Variants in CACNA2D3 observed in about 807,000 individuals in gnomAD.
CACNA2D3 encodes calcium voltage-gated channel auxiliary subunit alpha2delta 3.
A neutral mutation model predicts 160.6 loss-of-function variants in CACNA2D3; 60 were observed. The observed-to-expected ratio is 0.37, with a 90% CI of 0.30 to 0.46. The LOEUF (loss-of-function observed/expected upper bound fraction) is 0.46. CACNA2D3 is among the 20% of genes least tolerant of loss of function. The pLI, the probability that CACNA2D3 is intolerant of heterozygous loss-of-function variation, is 1.00. For synonymous variants in CACNA2D3, 558 were observed against 492.9 expected (o/e 1.13, Z -1.75); for missense variants, 1,205 against 1,365.0 (o/e 0.88, Z 1.85).
chr3:54,536,909 T>G (rs531346587), intron 5 of CACNA2D3, among the ~76,000 whole-genome samples: 9 of 152,286 alleles, frequency 5.9e-5, no homozygotes, highest in African/African-American at 1.7e-4. Flanking sequence ...CCTTTCCCAC[T>G]TGTGAAAGGT....
chr3:54,729,355 G>A (rs1701340185), intron 11 of CACNA2D3, among the ~76,000 whole-genome samples: 1 of 152,052 alleles, frequency 6.6e-6, no homozygotes, highest in South Asian at 2.1e-4. Context: ...TTTCTTTTTT[G>A]TAGTTTATCC....
intron 4 of CACNA2D3, among the ~76,000 whole-genome samples, chr3:54,489,498 T>G (rs2106917017): frequency 6.6e-6 from 1 of 152,348 alleles, no homozygotes; most frequent in African/African-American, 2.4e-5. Context: ...AATCTAATAT[T>G]GTGTGCCAGG....
chr3:54,785,106 C>T (rs1702611164), intron 13 of CACNA2D3, among the ~76,000 whole-genome samples: 1 of 152,222 alleles, frequency 6.6e-6, no homozygotes, highest in Non-Finnish European at 1.5e-5. Flanking sequence ...CAGTAGCCAC[C>T]AGCAGAGCCA....
chr3:54,371,394 A>G (rs1228986574), intron 3 of CACNA2D3, among the ~76,000 whole-genome samples: 1 of 152,102 alleles, frequency 6.6e-6, no homozygotes, highest in East Asian at 1.9e-4. Context: ...TGCTATATTA[A>G]CTCACATTTC....
chr3:54,737,461 C>T (rs1436975032), intron 11 of CACNA2D3, among the ~76,000 whole-genome samples: 2 of 151,882 alleles, frequency 1.3e-5, no homozygotes, highest in Non-Finnish European at 2.9e-5. Flanking sequence ...GTGCAAAGGC[C>T]CTGTGACAGG....
At chr3:54,179,912 C>T (rs530699478) in intron 2 of CACNA2D3, among the ~76,000 whole-genome samples, 3 of 152,062 alleles carry the variant, frequency 2.0e-5, no homozygotes, top group Non-Finnish European at 4.4e-5. Context: ...GTTATGGCAG[C>T]AGAAACTAAG....
intron 11 of CACNA2D3, among the ~76,000 whole-genome samples, chr3:54,712,887 T>C (rs987657159): frequency 2.4e-4 from 37 of 152,204 alleles, no homozygotes; most frequent in African/African-American, 8.9e-4. Context: ...ACTGGCCCTA[T>C]TTTAACATCA....
chr3:54,677,075 T>G (rs920520370), intron 11 of CACNA2D3, among the ~76,000 whole-genome samples: 1 of 152,220 alleles, frequency 6.6e-6, no homozygotes, highest in Non-Finnish European at 1.5e-5. Flanking sequence ...GAGCACAATC[T>G]CCTAGTGTTT....
At chr3:54,205,138 C>T (rs1210000407) in intron 2 of CACNA2D3, among the ~76,000 whole-genome samples, 1 of 152,014 alleles carries the variant, frequency 6.6e-6, no homozygotes, top group Non-Finnish European at 1.5e-5. Flanking sequence ...TGACTAACCA[C>T]GGCTACGTGA....
chr3:54,972,968 C>T (rs140526062), intron 29 of CACNA2D3, among the ~76,000 whole-genome samples: 5 of 152,204 alleles, frequency 3.3e-5, no homozygotes, highest in African/African-American at 9.6e-5. Flanking sequence ...CAGAAAAGGC[C>T]CTGCTCTCCT....
chr3:54,386,839 A>G (rs1395892159), intron 4 of CACNA2D3, 65 bp downstream of exon 4: 6 of 1,367,266 alleles, frequency 4.4e-6, no homozygotes, highest in African/African-American at 2.9e-5. Flanking sequence ...AGTACCAGGT[A>G]TACCAGGAAT....
intron 13 of CACNA2D3, among the ~76,000 whole-genome samples, chr3:54,776,274 G>A (rs556619464): frequency 4.6e-4 from 70 of 152,308 alleles, no homozygotes; most frequent in African/African-American, 1.6e-3. Flanking sequence ...AGCACTTAGC[G>A]AGGCTTAGGC....
At chr3:54,257,143 A>G (rs1160662123) in intron 2 of CACNA2D3, among the ~76,000 whole-genome samples, 1 of 152,222 alleles carries the variant, frequency 6.6e-6, no homozygotes, top group Non-Finnish European at 1.5e-5. Context: ...TTCTGTTCCC[A>G]GCAACTTCTG....
At chr3:54,464,382 G>C (rs868828106) in intron 4 of CACNA2D3, among the ~76,000 whole-genome samples, 1 of 152,214 alleles carries the variant, frequency 6.6e-6, no homozygotes, top group African/African-American at 2.4e-5. Context: ...CAGAGGTGGA[G>C]CCTACAGAGG....
chr3:54,279,437 T>C (rs758365517), intron 2 of CACNA2D3, among the ~76,000 whole-genome samples: 2 of 152,086 alleles, frequency 1.3e-5, no homozygotes, highest in Non-Finnish European at 2.9e-5. Flanking sequence ...TTATTAAATA[T>C]TGGAATCCTG....
chr3:55,062,267 A>ACAT (rs10693109), intron 35 of CACNA2D3, among the ~76,000 whole-genome samples: 18,201 of 146,652 alleles, frequency 0.12, 2,011 homozygotes, highest in Admixed American at 0.28. Context: ...CTACAGGCAC[A>ACAT]CATCATATCT....
At chr3:54,123,165 G>C (rs1052455537) in intron 1 of CACNA2D3, among the ~76,000 whole-genome samples, 14 of 152,006 alleles carry the variant, frequency 9.2e-5, no homozygotes. Flanking sequence ...TTTTTTGGGG[G>C]GGGGATGGGT....
chr3:54,591,014 T>A (rs547800823), intron 9 of CACNA2D3, among the ~76,000 whole-genome samples: 18 of 152,342 alleles, frequency 1.2e-4, no homozygotes, highest in Non-Finnish European at 1.6e-4. Flanking sequence ...GCATTTTTTT[T>A]ATTAGTATTT....
rs1005221661 is a variant in CACNA2D3, at chr3:54,580,003, G to T, written c.889-1800G>T. Among the ~76,000 whole-genome samples the T allele has an allele frequency of 7.2e-5, 11 of 152,252 alleles. No homozygotes were observed. In the South Asian group the frequency reaches 1.9e-3, roughly 26 times the overall value. On this transcript the variant is annotated intron_variant, in intron 8 of 37. Coordinates refer to ENST00000474759, the MANE Select transcript of CACNA2D3 (RefSeq NM_018398.3). ...GATGGGGAGATCTGGAGGTTTGGGG[G>T]CCAGAGAGGATAAGTTGGGGGCATT... is the stretch of plus-strand genomic sequence containing the variant.
Sources: gnomAD v4.1 joint callset for allele counts (sites outside exome capture counted in the v4.1 genomes callset) on GRCh38, gnomAD v4.1.1 for gene constraint, MANE v1.5 for transcripts, NCBI Gene and HGNC (gene_info 2026-07-23, HGNC 2026-07-21) for gene names.